Variants in CLHC1 observed in about 807,000 individuals in gnomAD.
The protein encoded by CLHC1 is clathrin heavy chain linker domain containing 1.
A neutral mutation model predicts 69.5 loss-of-function variants in CLHC1; 72 were observed. The observed-to-expected ratio is 1.04, with a 90% confidence interval of 0.86 to 1.26. The LOEUF is 1.26. CLHC1 is among the 50% of genes most tolerant of loss of function. The pLI is 0.00. For synonymous variants in CLHC1, 223 were observed against 224.3 expected (o/e 0.99, Z 0.05); for missense variants, 790 against 679.3 (o/e 1.16, Z -1.81).
chr2:55,195,174 A>T (rs1422788094), intron 9 of CLHC1, among the ~76,000 whole-genome samples: 1 of 152,130 alleles, frequency 6.6e-6, no homozygotes, highest in African/African-American at 2.4e-5. Flanking sequence ...TCCTCTGACC[A>T]ACATTTCCCT....
At chr2:55,196,639 CT>C (rs1320813037) in intron 9 of CLHC1, among the ~76,000 whole-genome samples, 1 of 152,176 alleles carries the variant, frequency 6.6e-6, no homozygotes, top group African/African-American at 2.4e-5. Context: ...CCTGGCAGGA[CT>C]CATCACCTGC....
At chr2:55,183,820 C>T (rs1045467984) in intron 9 of CLHC1, among the ~76,000 whole-genome samples, 1 of 152,120 alleles carries the variant, frequency 6.6e-6, no homozygotes, top group Non-Finnish European at 1.5e-5. Flanking sequence ...CTCGCTCCGT[C>T]GCCAGGCTGG....
intron 5 of CLHC1, among the ~76,000 whole-genome samples, chr2:55,211,042 T>G (rs1033571891): frequency 6.6e-6 from 1 of 152,150 alleles, no homozygotes; most frequent in Non-Finnish European, 1.5e-5. Context: ...CTTTAGTACA[T>G]ATCACAAAAT....
chr2:55,195,696 G>A (rs564597271), intron 9 of CLHC1, among the ~76,000 whole-genome samples: 7 of 152,140 alleles, frequency 4.6e-5, no homozygotes, highest in Non-Finnish European at 1.0e-4. Context: ...CAGCTATTGG[G>A]GAGGCTGAGG....
intron 12 of CLHC1, among the ~76,000 whole-genome samples, chr2:55,177,059 G>C (rs1387059987): frequency 1.3e-5 from 2 of 152,086 alleles, no homozygotes; most frequent in East Asian, 1.9e-4. Flanking sequence ...TTTTCATAGA[G>C]ACACGGTTTT....
chr2:55,187,038 A>G (rs1558457500), intron 9 of CLHC1, among the ~76,000 whole-genome samples: 1 of 151,688 alleles, frequency 6.6e-6, no homozygotes, highest in East Asian at 1.9e-4. Context: ...AGGCTGCAAC[A>G]GGTGGATCAC....
chr2:55,205,589 A>G (rs1672366269), intron 9 of CLHC1: 1 of 152,250 alleles, frequency 6.6e-6, no homozygotes. Context: ...GGGTGTATGC[A>G]TATGTCAAAA....
Position 55,175,561 on chromosome 2 carries a change from C to A in CLHC1, c.*229G>T. 1 of 495,896 alleles carries A rather than the reference C, an allele frequency of 2.0e-6. No individual in the cohort carries two copies. The highest frequency in any genetic ancestry group is 3.6e-6 in the Non-Finnish European group (1 of 279,042). 30.7% of individuals were successfully genotyped at this position (495,896 alleles called of 1,614,324 possible). On this transcript the variant is annotated 3_prime_UTR_variant, in exon 13 of 13. Transcript: ENST00000401408. The stretch of plus-strand genomic sequence containing the variant: ...ACACTGTTTCACACAAAGTTATAAT[C>A]TTGGATTTTATCAAGATTCAATATA...
intron 9 of CLHC1, among the ~76,000 whole-genome samples, chr2:55,197,100 G>T (rs1270249085): frequency 6.6e-6 from 1 of 152,136 alleles, no homozygotes; most frequent in Non-Finnish European, 1.5e-5. Flanking sequence ...TCCGTAGGGA[G>T]AGACTCCTCT....
At chr2:55,229,178 A>G (rs976788147) in intron 1 of CLHC1, among the ~76,000 whole-genome samples, 2 of 149,358 alleles carry the variant, frequency 1.3e-5, no homozygotes. Flanking sequence ...AAGAAAGAAA[A>G]AAATTATATA....
rs777795884 is a variant in CLHC1, at chr2:55,203,919, G to A, written c.1006+2351C>T. On this transcript the variant is annotated intron_variant, in intron 9 of 12. Transcript: ENST00000401408. ...ATTTGCAAACTACCCACCTAACAAG[G>A]AGTTCATAACCAGAATACATAAGGA... 9.2e-5 allele frequency among the ~76,000 whole-genome samples: 14 copies of A among 152,090 alleles called. 1 individual carries two copies. Among genetic ancestry groups the A allele is most frequent in the Non-Finnish European group, 1.8e-4 (12 of 68,014 alleles).
At chr2:55,184,983 T>C (rs879041713) in intron 9 of CLHC1, among the ~76,000 whole-genome samples, 18 of 147,350 alleles carry the variant, frequency 1.2e-4, no homozygotes, top group African/African-American at 4.3e-4. Flanking sequence ...ATACCTACTA[T>C]AGATTAACAA....
chr2:55,200,110 G>A (rs1671796269), intron 9 of CLHC1, among the ~76,000 whole-genome samples: 1 of 151,260 alleles, frequency 6.6e-6, no homozygotes, highest in East Asian at 1.9e-4. Flanking sequence ...TGTGATCCCA[G>A]CTACTTGACA....
intron 4 of CLHC1, among the ~76,000 whole-genome samples, chr2:55,213,493 C>T (rs1673201964): frequency 6.6e-6 from 1 of 152,148 alleles, no homozygotes. Context: ...ATACGGTTAA[C>T]ATTTAGGGGT....
At chr2:55,228,748 A>C (rs1273022367) in intron 1 of CLHC1, among the ~76,000 whole-genome samples, 2 of 152,230 alleles carry the variant, frequency 1.3e-5, no homozygotes, top group South Asian at 2.1e-4. Flanking sequence ...TTTGGGGGAC[A>C]CCTATTGTTT....
At chr2:55,203,027 T>C (rs995892829) in intron 9 of CLHC1, among the ~76,000 whole-genome samples, 2 of 151,986 alleles carry the variant, frequency 1.3e-5, no homozygotes, top group Non-Finnish European at 2.9e-5. Context: ...TTTAAAAAAG[T>C]AATCCTGCTT....
chr2:55,180,814 T>C, intron 10 of CLHC1, 102 bp from the exon 11 acceptor site: 1 of 800,652 alleles, frequency 1.2e-6, no homozygotes, highest in Non-Finnish European at 2.0e-6. Context: ...GATTTTCTAC[T>C]ACCTGTAAGA....
intron 1 of CLHC1, among the ~76,000 whole-genome samples, chr2:55,230,522 C>A (rs1675196057): frequency 6.6e-6 from 1 of 152,132 alleles, no homozygotes; most frequent in South Asian, 2.1e-4. Context: ...TATGATGATA[C>A]TTTAAAAGTT....
intron 9 of CLHC1, among the ~76,000 whole-genome samples, chr2:55,202,046 G>A (rs1417664059): frequency 6.6e-6 from 1 of 152,094 alleles, no homozygotes; most frequent in Non-Finnish European, 1.5e-5. Flanking sequence ...CAGAACCACA[G>A]CTAGAATCAC....
Sources: gnomAD v4.1 joint callset for allele counts (sites outside exome capture counted in the v4.1 genomes callset) on GRCh38, gnomAD v4.1.1 for gene constraint, MANE v1.5 for transcripts, NCBI Gene and HGNC (gene_info 2026-07-23, HGNC 2026-07-21) for gene names.